PTGES3: variants seen among roughly 807,000 people sequenced by gnomAD.
The protein encoded by PTGES3 is Hsp90 co-chaperone.
A neutral mutation model predicts 29.9 loss-of-function variants in PTGES3; 5 were observed. The observed-to-expected ratio is 0.17, with a 90% CI of 0.09 to 0.35. The LOEUF (loss-of-function observed/expected upper bound fraction) is 0.35, where lower values mean the gene tolerates loss of function less well. Ranked by LOEUF, PTGES3 falls within the 10% of genes least tolerant of loss-of-function variation. The pLI is 1.00. For missense variants in PTGES3, 128 were observed against 190.0 expected (o/e 0.67, Z 1.92); for synonymous variants, 49 against 57.8 (o/e 0.85, Z 0.69).
intron 3 of PTGES3, among the ~76,000 whole-genome samples, 163 bp downstream of exon 3, chr12:56,672,577 T>C (rs1952048838): frequency 6.6e-6 from 1 of 152,088 alleles, no homozygotes; most frequent in South Asian, 2.1e-4. Flanking sequence ...AAACAAAAAG[T>C]ATGCAGAAAC....
In PTGES3 at chr12:56,673,074, G is replaced by A. The variant is rs573251398; in HGVS notation, c.3-9C>T. The A allele has an allele frequency of 6.4e-7, 1 of 1,564,884 alleles. No homozygotes were observed. The highest frequency in any genetic ancestry group is 1.4e-5 in the African/African-American group (1 of 73,212). ...TTGCAGAAGCAGGCTGCCTACAAAA[G>A]GATAAAGTAGGGAAAGTCAAGCTGG... is the stretch of plus-strand genomic sequence containing the variant. On this transcript the variant is annotated splice_polypyrimidine_tract_variant and intron_variant, in intron 1 of 7. Coordinates refer to ENST00000262033, the MANE Select transcript of PTGES3 (RefSeq NM_006601.7).
chr12:56,684,134 G>T (rs534173535), intron 1 of PTGES3, among the ~76,000 whole-genome samples: 2 of 152,086 alleles, frequency 1.3e-5, no homozygotes, highest in Non-Finnish European at 2.9e-5. Flanking sequence ...GATTGGTTCT[G>T]AACAGTTGAT....
intron 5 of PTGES3, among the ~76,000 whole-genome samples, chr12:56,669,062 T>G (rs182728040): frequency 0.012 from 1,692 of 138,584 alleles, 108 homozygotes; most frequent in Admixed American, 0.12. Flanking sequence ...CAGGCTGGAG[T>G]GCAGTGGTGT....
intron 6 of PTGES3, chr12:56,665,267 A>G (rs1005145492): frequency 1.0e-6 from 1 of 969,726 alleles, no homozygotes; most frequent in African/African-American, 1.8e-5. Context: ...TTCCTCTTAC[A>G]GATTTCCAAT....
At chr12:56,672,449 G>A (rs1304744556) in intron 3 of PTGES3, among the ~76,000 whole-genome samples, 3 of 152,046 alleles carry the variant, frequency 2.0e-5, no homozygotes, top group East Asian at 3.8e-4. Context: ...AGCCGGGATC[G>A]CTCCATTGTA....
At chr12:56,681,712 A>G (rs1417963442) in intron 1 of PTGES3, among the ~76,000 whole-genome samples, 1 of 150,438 alleles carries the variant, frequency 6.6e-6, no homozygotes, top group Admixed American at 6.6e-5. Flanking sequence ...AAAATTAGCC[A>G]GGTACGGTGG....
chr12:56,676,287 CTTAT>C (rs1009858802), intron 1 of PTGES3, among the ~76,000 whole-genome samples: 3 of 148,762 alleles, frequency 2.0e-5, no homozygotes, highest in African/African-American at 4.9e-5. Flanking sequence ...TGACAGAAGG[CTTAT>C]TTTTTTTCAC....
At position 56,673,037 on chromosome 12, in the gene PTGES3, G is replaced by T. The variant is rs150974427; in HGVS notation, c.31C>A (p.Arg11=). 2.5e-6 allele frequency: 4 copies of T among 1,606,776 alleles called. No individual in the cohort carries two copies. In the African/African-American group the frequency reaches 5.4e-5, roughly 22 times the overall value. MQPASAKWYD[R]RDYVFIEFCV... is the part of the protein sequence containing the mutation. Reference sequence around the variant, plus strand: ...AATTCAATGAAGACATAGTCCCTTCGATCGTACCACTTTGCAGAAGCAGGC... The same window carrying T: ...AATTCAATGAAGACATAGTCCCTTCTATCGTACCACTTTGCAGAAGCAGGC... Residue 11 remains arginine, a synonymous_variant, in exon 2 of 8, where the codon CGA becomes AGA. Coordinates refer to ENST00000262033, the MANE Select transcript of PTGES3 (RefSeq NM_006601.7).
intron 1 of PTGES3, among the ~76,000 whole-genome samples, chr12:56,677,583 G>GTT (rs1410292147): frequency 6.6e-6 from 1 of 152,240 alleles, no homozygotes; most frequent in East Asian, 1.9e-4. Flanking sequence ...AATGGAATGT[G>GTT]TATGGCTTTT....
At chr12:56,682,697 G>GT (rs1312785628) in intron 1 of PTGES3, among the ~76,000 whole-genome samples, 1 of 118,638 alleles carries the variant, frequency 8.4e-6, no homozygotes, top group African/African-American at 3.2e-5. Flanking sequence ...GGACAACACG[G>GT]TAAGATCCCG....
Position 56,688,139 on chromosome 12 carries a change from G to T in PTGES3, c.-140C>A. Reference sequence around the variant, plus strand: ...CCTCTTCTCGCTTCCCTCAGGCGACGGCGGCAGCGGCGGGCTCGACCTCGG... The same window carrying T: ...CCTCTTCTCGCTTCCCTCAGGCGACTGCGGCAGCGGCGGGCTCGACCTCGG... On this transcript the variant is annotated 5_prime_UTR_variant, in exon 1 of 8. Coordinates refer to ENST00000262033, the MANE Select transcript of PTGES3 (RefSeq NM_006601.7). 1.4e-6 allele frequency: 2 copies of T among 1,380,484 alleles called. No homozygotes were observed. Among genetic ancestry groups the T allele is most frequent in the South Asian group, 1.6e-5 (1 of 64,070 alleles). 85.5% of individuals were successfully genotyped at this position (1,380,484 alleles called of 1,614,324 possible). A position where few individuals can be genotyped will look rare whatever the true frequency, so the allele number is the denominator to read the frequency against.
intron 1 of PTGES3, among the ~76,000 whole-genome samples, chr12:56,686,027 G>A (rs902827689): frequency 4.5e-4 from 69 of 151,970 alleles, no homozygotes; most frequent in Admixed American, 1.4e-3. Context: ...CGCCTGCCTC[G>A]GCCTCCCAAG....
In PTGES3 at chr12:56,664,366, G is replaced by A. The variant is rs1951714246; in HGVS notation, c.*113C>T. Reference sequence around the variant, plus strand: ...ACAGGTTGAAAAATGGGTTAAAGTAGGCAAATACAGCATATCTGCCTTTAG... The same window carrying A: ...ACAGGTTGAAAAATGGGTTAAAGTAAGCAAATACAGCATATCTGCCTTTAG... On this transcript the variant is annotated 3_prime_UTR_variant, in exon 8 of 8. Transcript: ENST00000262033. The A allele has an allele frequency of 7.9e-7, 1 of 1,272,136 alleles. No homozygotes were observed. Among genetic ancestry groups the A allele is most frequent in the African/African-American group, 1.5e-5 (1 of 66,478 alleles). The allele number at this position is 1,272,136 out of a possible 1,614,324, so 78.8% of individuals were successfully genotyped here.
At chr12:56,684,625 C>A (rs1952738118) in intron 1 of PTGES3, among the ~76,000 whole-genome samples, 1 of 152,122 alleles carries the variant, frequency 6.6e-6, no homozygotes, top group Non-Finnish European at 1.5e-5. Context: ...CAACAACTTC[C>A]AACATCTCTA....
intron 1 of PTGES3, among the ~76,000 whole-genome samples, chr12:56,673,746 T>C (rs1176749017): frequency 6.9e-6 from 1 of 144,248 alleles, no homozygotes; most frequent in Non-Finnish European, 1.5e-5. Context: ...TGAGCCGAGA[T>C]TGCGCCATTG....
chr12:56,685,419 TTAAG>T (rs1296235100), intron 1 of PTGES3, among the ~76,000 whole-genome samples: 1 of 115,374 alleles, frequency 8.7e-6, no homozygotes, highest in Non-Finnish European at 1.8e-5. Context: ...TTTTTTTTTT[TTAAG>T]ACAGTCTCGC....
At chr12:56,684,245 C>A (rs1457861718) in intron 1 of PTGES3, among the ~76,000 whole-genome samples, 2 of 151,774 alleles carry the variant, frequency 1.3e-5, no homozygotes, top group African/African-American at 4.9e-5. Context: ...TCCAATTAGT[C>A]AGGAGAATCT....
intron 1 of PTGES3, among the ~76,000 whole-genome samples, chr12:56,681,560 A>AAAAAAAAC: frequency 6.9e-6 from 1 of 145,398 alleles, no homozygotes; most frequent in African/African-American, 2.5e-5. Flanking sequence ...AAAAAAAAAA[A>AAAAAAAAC]AGAATCAGCC....
intron 1 of PTGES3, among the ~76,000 whole-genome samples, chr12:56,675,606 C>CAA (rs1485170849): frequency 6.6e-6 from 1 of 150,702 alleles, no homozygotes; most frequent in East Asian, 2.0e-4. Flanking sequence ...ACCCTTTATA[C>CAA]AAGTTGGCTA....
Sources: gnomAD v4.1 joint callset for allele counts (sites outside exome capture counted in the v4.1 genomes callset) on GRCh38, gnomAD v4.1.1 for gene constraint, MANE v1.5 for transcripts, NCBI Gene and HGNC (gene_info 2026-07-23, HGNC 2026-07-21) for gene names.